The following REN variants were observed in gnomAD, a reference collection of about 807,000 sequenced individuals.
REN encodes the protein renin, also known as angiotensin-forming enzyme.
A neutral mutation model predicts 48.6 loss-of-function variants in REN; 42 were observed. The observed-to-expected ratio is 0.86, with a 90% CI of 0.68 to 1.12. The LOEUF (loss-of-function observed/expected upper bound fraction) is 1.12. REN is among the 50% of genes most tolerant of loss of function. REN has a pLI of 0.00. For synonymous variants in REN, 196 were observed against 204.6 expected, an observed-to-expected ratio of 0.96 and a Z score of 0.36; for missense variants, 443 against 527.3, an observed-to-expected ratio of 0.84 and a Z score of 1.57.
Position 204,163,353 on chromosome 1 carries a change from TTTG to T in REN, c.99-1193_99-1191del, listed in dbSNP as rs1454911125. 5.3e-5 allele frequency among the ~76,000 whole-genome samples: 8 copies of T among 152,218 alleles called. 1 individual carries two copies. Among genetic ancestry groups the T allele is most frequent in the African/African-American group, 1.9e-4 (8 of 41,448 alleles). On this transcript the variant is annotated intron_variant, in intron 1 of 9. Coordinates refer to ENST00000272190, the MANE Select transcript of REN (RefSeq NM_000537.4). ...CAGCATGGTATTGTAACAGAAATGA[TTTG>T]TTATCTTCCTATCACAGGTTACTGT...
chr1:204,156,066 G>A lies in REN; in HGVS notation c.960+112C>T. On this transcript the variant is annotated intron_variant, in intron 8 of 9. Coordinates refer to ENST00000272190, the MANE Select transcript of REN (RefSeq NM_000537.4). The surrounding 1 kb of genome is among the most constrained non-coding windows in gnomAD (Gnocchi z 4.2). ...GTGACCAGCCACATGTGTGGAGAGTGTGAGGTGAACAAGCGAAGGCCTGAG... is the reference window on the plus strand; with the variant it reads ...GTGACCAGCCACATGTGTGGAGAGTATGAGGTGAACAAGCGAAGGCCTGAG... 6.6e-7 allele frequency: 1 copy of A among 1,524,990 alleles called. No homozygotes were observed. The highest frequency in any genetic ancestry group is 2.2e-5 in the East Asian group (1 of 44,458). The allele number at this position is 1,524,990 out of a possible 1,614,324, so 94.5% of individuals were successfully genotyped here. A position where few individuals can be genotyped will look rare whatever the true frequency, so the allele number is the denominator to read the frequency against.
At chr1:204,155,339 C>T (rs533933184) in intron 9 of REN, among the ~76,000 whole-genome samples, 162 bp from the exon 10 acceptor site, 8 of 152,278 alleles carry the variant, frequency 5.3e-5, no homozygotes, top group South Asian at 4.2e-4. Context: ...TTTGCCCCAT[C>T]GTGGACTGCA....
intron 5 of REN, 69 bp downstream of exon 5, chr1:204,159,330 C>T: frequency 7.0e-7 from 1 of 1,422,294 alleles, no homozygotes; most frequent in Non-Finnish European, 9.9e-7. Flanking sequence ...GGCCCAGACT[C>T]TCCTTCCACT....
Position 204,155,101 on chromosome 1 carries a change from C to T in REN, c.1136G>A (p.Trp379Ter). The change falls in exon 10 of 10, where the codon TGG (tryptophan) becomes TAG (stop). Residue 379 changes from tryptophan to a stop codon, truncating the protein, a stop_gained. Coordinates refer to ENST00000272190, the MANE Select transcript of REN (RefSeq NM_000537.4). LOFTEE classifies it high-confidence loss of function. ...MDIPPPTGPT[W>*]ALGATFIRKF... is the part of the protein sequence containing the mutation. Reference sequence around the variant, plus strand: ...TCGGATGAAGGTGGCCCCCAGGGCCCAGGTGGGTCCAGTGGGTGGCGGGAT... The same window carrying T: ...TCGGATGAAGGTGGCCCCCAGGGCCTAGGTGGGTCCAGTGGGTGGCGGGAT... 1 of 1,614,236 alleles carries T rather than the reference C, an allele frequency of 6.2e-7. No individual in the cohort carries two copies. Among genetic ancestry groups the T allele is most frequent in the Non-Finnish European group, 8.5e-7 (1 of 1,180,036 alleles).
intron 1 of REN, among the ~76,000 whole-genome samples, chr1:204,164,589 T>TTTTTTA (rs1429998867): frequency 8.0e-6 from 1 of 125,176 alleles, no homozygotes; most frequent in African/African-American, 3.5e-5. Flanking sequence ...TTTTTTTTTT[T>TTTTTTA]ACATAAGGTC....
chr1:204,166,096 C>T (rs1450083029), intron 1 of REN, 100 bp downstream of exon 1: 26 of 958,176 alleles, frequency 2.7e-5, no homozygotes, highest in South Asian at 4.0e-5. Flanking sequence ...TCCAGCTGAT[C>T]GTAAGGACTG....
At chr1:204,161,217 G>C in intron 3 of REN, 75 bp downstream of exon 3, 20 of 1,473,654 alleles carry the variant, frequency 1.4e-5, no homozygotes, top group Non-Finnish European at 1.7e-5. Flanking sequence ...GATGGGAGCT[G>C]GGTGTTGGGC....
chr1:204,164,894 G>A (rs1025749522), intron 1 of REN, among the ~76,000 whole-genome samples: 6 of 151,716 alleles, frequency 4.0e-5, no homozygotes, highest in African/African-American at 1.5e-4. Context: ...TGAATCACTT[G>A]TTCCCACAAG....
rs930406042 is a variant in REN at position 204,162,166 on chromosome 1, G to A, written c.99-3C>T. On this transcript the variant is annotated splice_region_variant and splice_polypyrimidine_tract_variant and intron_variant, in intron 1 of 9. Transcript: ENST00000272190. ...AGGGCATTCTCTTGAGGAAGATCCTGGCCCAGGGTGGAGGAAGCAAAAATA... is the reference window on the plus strand; with the variant it reads ...AGGGCATTCTCTTGAGGAAGATCCTAGCCCAGGGTGGAGGAAGCAAAAATA... 6.8e-6 allele frequency: 11 copies of A among 1,613,920 alleles called. No individual in the cohort carries two copies. The highest frequency in any genetic ancestry group is 1.6e-4 in the Middle Eastern group (1 of 6,084).
At chr1:204,160,290 C>T (rs971495551) in intron 4 of REN, among the ~76,000 whole-genome samples, 4 of 152,224 alleles carry the variant, frequency 2.6e-5, no homozygotes, top group African/African-American at 9.6e-5. Context: ...TTGACTGCAG[C>T]CACGGGGCTC....
At chr1:204,162,463 G>T (rs189008642) in intron 1 of REN, among the ~76,000 whole-genome samples, 5 of 152,152 alleles carry the variant, frequency 3.3e-5, no homozygotes, top group Non-Finnish European at 7.3e-5. Context: ...CATTTATTCC[G>T]TAATCACCTG....
intron 1 of REN, among the ~76,000 whole-genome samples, chr1:204,162,898 C>A (rs1281582422): frequency 6.6e-6 from 1 of 152,200 alleles, no homozygotes; most frequent in Non-Finnish European, 1.5e-5. Flanking sequence ...ATTAAAGAGA[C>A]CTAGGAAACT....
At chr1:204,158,105 C>T (rs555563449) in intron 5 of REN, among the ~76,000 whole-genome samples, 1 of 151,574 alleles carries the variant, frequency 6.6e-6, no homozygotes. Flanking sequence ...TCTCACCCCC[C>T]ACGCCACCCC....
At position 204,156,844 on chromosome 1, in the gene REN, C is replaced by G; in HGVS notation, c.699-48G>C. On this transcript the variant is annotated intron_variant, in intron 6 of 9. Transcript: ENST00000272190. This position sits in a 1 kb window ranked among gnomAD's most constrained non-coding sequence, Gnocchi z 4.2. The stretch of plus-strand genomic sequence containing the variant: ...TTGGAAACCCATAACCTCCAGGACC[C>G]AGCAACTCAGGCAATTGGGGAAGGT... The G allele has an allele frequency of 6.2e-7, 1 of 1,610,250 alleles. No homozygotes were observed. Among genetic ancestry groups the G allele is most frequent in the Non-Finnish European group, 8.5e-7 (1 of 1,179,850 alleles).
At chr1:204,155,342 G>A (rs1420132288) in intron 9 of REN, among the ~76,000 whole-genome samples, 165 bp from the exon 10 acceptor site, 6 of 152,024 alleles carry the variant, frequency 3.9e-5, no homozygotes, top group Non-Finnish European at 2.9e-5. Context: ...GCCCCATCGT[G>A]GACTGCACCA....
intron 6 of REN, among the ~76,000 whole-genome samples, chr1:204,157,151 A>G (rs1658164600): frequency 6.6e-6 from 1 of 152,148 alleles, no homozygotes; most frequent in African/African-American, 2.4e-5. Flanking sequence ...CTGATTGAGC[A>G]GGTGCATGGG....
In REN at chr1:204,156,207, C is replaced by T. The variant is rs2102310844; in HGVS notation, c.931G>A (p.Ala311Thr). Residue 311 changes from alanine to threonine, a missense_variant, in exon 8 of 10, where the codon GCC becomes ACC. By Grantham distance (58) the Ala-to-Thr change is moderately conservative (BLOSUM62 0). Transcript: ENST00000272190. The surrounding 1 kb of genome is among the most constrained non-coding windows in gnomAD (Gnocchi z 4.2). ...AACAGCCTCTTCTTGGCTCCCAAGGCCTCCATGAGCTTCTCTATGGAGCTG... is the reference window on the plus strand; with the variant it reads ...AACAGCCTCTTCTTGGCTCCCAAGGTCTCCATGAGCTTCTCTATGGAGCTG... ...STSSIEKLME[A>T]LGAKKRLFDY... 1.9e-6 allele frequency: 3 copies of T among 1,614,242 alleles called. No homozygotes were observed. The highest frequency in any genetic ancestry group is 2.7e-5 in the African/African-American group (2 of 75,070).
At chr1:204,162,756 A>G (rs1658271077) in intron 1 of REN, among the ~76,000 whole-genome samples, 1 of 152,020 alleles carries the variant, frequency 6.6e-6, no homozygotes, top group African/African-American at 2.4e-5. Flanking sequence ...GGTGGAGTGG[A>G]CCCCCTGAGC....
In REN at chr1:204,156,987, C is replaced by T. The variant is rs1658162072; in HGVS notation, c.699-191G>A. On this transcript the variant is annotated intron_variant, in intron 6 of 9. Coordinates refer to ENST00000272190, the MANE Select transcript of REN (RefSeq NM_000537.4). The surrounding 1 kb of genome is among the most constrained non-coding windows in gnomAD (Gnocchi z 4.2). ...AACATACTGCTTCTCTGCCTTTCTT[C>T]CCCTCCCCAAGACCAACCAGAGGTT... 6.6e-6 allele frequency among the ~76,000 whole-genome samples: 1 copy of T among 152,140 alleles called. No homozygotes were observed. The highest frequency in any genetic ancestry group is 1.5e-5 in the Non-Finnish European group (1 of 68,026).
Sources: allele counts gnomAD v4.1 joint callset (sites outside exome capture counted in the v4.1 genomes callset), GRCh38; gene constraint gnomAD v4.1.1; non-coding constraint Gnocchi (gnomAD v3.1); transcripts MANE v1.5; gene names NCBI Gene and HGNC (gene_info 2026-07-23, HGNC 2026-07-21).